The following ZNF185 variants were observed in gnomAD, a reference collection of about 807,000 sequenced individuals.
ZNF185 encodes the protein zinc finger protein 185 with LIM domain.
Under a neutral mutation model 58.6 loss-of-function variants are expected in ZNF185, and 56 were observed. The observed-to-expected ratio is 0.95, with a 90% CI of 0.77 to 1.19. The LOEUF is 1.19. Ranked by LOEUF, ZNF185 falls within the 50% of genes most tolerant of loss-of-function variation. The probability of loss-of-function intolerance (pLI) is 0.00; values close to 1 mark genes in which losing one functional copy is unlikely to be tolerated. For missense variants in ZNF185, 627 were observed against 573.5 expected (o/e 1.09, Z -0.95); for synonymous variants, 230 against 215.9 (o/e 1.07, Z -0.57).
intron 14 of ZNF185, 31 bp downstream of exon 15, chrX:152,933,002 A>C: frequency 9.0e-5 from 97 of 1,082,711 alleles, no homozygotes; most frequent in Middle Eastern, 2.5e-4. Flanking sequence ...AGGTTCTCTC[A>C]TGCCCCTGGT....
At chrX:152,937,849 C>T (rs2046515757) in intron 14 of ZNF185, among the ~76,000 whole-genome samples, 1 of 112,325 alleles carries the variant, frequency 8.9e-6, no homozygotes, top group Non-Finnish European at 1.9e-5. Context: ...TGGTCAGGGG[C>T]AGTGTTTGCT....
chrX:152,904,878 G>A, the ZNF185 span, among the ~76,000 whole-genome samples: 1 of 112,132 alleles, frequency 8.9e-6, no homozygotes, highest in African/African-American at 3.2e-5. Flanking sequence ...TTCCTCACAC[G>A]ACCAGGTGCA....
intron 20 of ZNF185, among the ~76,000 whole-genome samples, chrX:152,968,777 G>A (rs782767966): frequency 1.8e-5 from 2 of 113,020 alleles, no homozygotes; most frequent in South Asian, 7.2e-4. Context: ...TTACTTTGAG[G>A]AAGTGCAGTC....
chrX:152,909,727 C>T (rs1447377874), upstream of ZNF185, among the ~76,000 whole-genome samples: 2 of 112,239 alleles, frequency 1.8e-5, no homozygotes, highest in East Asian at 5.6e-4. Context: ...GAGGCCCAGG[C>T]TGCAGCACTG....
At chrX:152,909,792 C>G (rs1022204455), upstream of ZNF185, among the ~76,000 whole-genome samples, 7 of 112,680 alleles carry the variant, frequency 6.2e-5, no homozygotes. Flanking sequence ...AGGGCCTGCC[C>G]TTGCTGCTGT....
intron 15 of ZNF185, among the ~76,000 whole-genome samples, chrX:152,942,036 C>G (rs1175402189): frequency 8.9e-6 from 1 of 112,058 alleles, no homozygotes; most frequent in Admixed American, 9.3e-5. Flanking sequence ...GACGTGCAGA[C>G]AGGGAAGGCA....
At position 152,965,968 on chromosome X, in the gene ZNF185, G is replaced by A. The variant is rs190254080; in HGVS notation, c.1799+441G>A. Among the ~76,000 whole-genome samples, 515 of 110,043 alleles carry A rather than the reference G, an allele frequency of 4.7e-3. 6 individuals carry two copies. Among genetic ancestry groups the A allele is most frequent in the African/African-American group, 0.016 (494 of 30,142 alleles). ...TGTGACTGCAGTTCCTGATACATGT[G>A]TGGCTTTGCTTTTTAATTTTAATTA... On this transcript the variant is annotated intron_variant, in intron 19 of 22. Coordinates refer to ENST00000449285, the Ensembl canonical transcript of ZNF185.
chrX:152,909,700 G>A (rs1233374620), upstream of ZNF185, among the ~76,000 whole-genome samples: 2 of 112,354 alleles, frequency 1.8e-5, no homozygotes, highest in African/African-American at 6.5e-5. Context: ...GGGAAAAGAC[G>A]AAGGAGGCCC....
chrX:152,909,189 C>A, the ZNF185 span, among the ~76,000 whole-genome samples: 1 of 112,648 alleles, frequency 8.9e-6, no homozygotes, highest in African/African-American at 3.2e-5. Flanking sequence ...GGCCCTGGGG[C>A]AGCAGCCATG....
rs191728838 is a variant in ZNF185 at position 152,926,822 on chromosome X, C to A, written c.831-1753C>A. Among the ~76,000 whole-genome samples, 4 of 112,658 alleles carry A rather than the reference C, an allele frequency of 3.6e-5. No homozygotes were observed. The Admixed American group carries it at 3.7e-4, about 11-fold the overall frequency. Reference sequence around the variant, plus strand: ...AAAACCACACGCATTTATCCTCTCACAATTCTGGAGGCTGGAAGTCTGAGA... The same window carrying A: ...AAAACCACACGCATTTATCCTCTCAAAATTCTGGAGGCTGGAAGTCTGAGA... On this transcript the variant is annotated intron_variant, in intron 11 of 22. Transcript: ENST00000449285.
chrX:152,920,810 G>A, intron 9 of ZNF185, 62 bp downstream of exon 10: 2 of 1,151,815 alleles, frequency 1.7e-6, no homozygotes, highest in South Asian at 3.6e-5. Flanking sequence ...CCTTCCGTCA[G>A]CAGGGGTGTA....
chrX:152,945,314 A>G, exon 16 of ZNF185: 1 of 1,208,874 alleles, frequency 8.3e-7, no homozygotes, highest in Non-Finnish European at 1.1e-6. Flanking sequence ...AGGGTCGGAG[A>G]GGCCTGGCAG....
the ZNF185 span, among the ~76,000 whole-genome samples, chrX:152,903,995 A>G: frequency 6.2e-5 from 7 of 112,596 alleles, no homozygotes; most frequent in African/African-American, 2.3e-4. Context: ...ACTTTCATGC[A>G]GAAGTCATTT....
intron 12 of ZNF185, among the ~76,000 whole-genome samples, chrX:152,929,695 C>T (rs1032589131): frequency 3.6e-5 from 4 of 112,600 alleles, no homozygotes; most frequent in Admixed American, 9.4e-5. Flanking sequence ...CAGTTGTCTG[C>T]GACCGTTTCC....
In ZNF185 at chrX:152,931,538, G is replaced by A. The variant is rs143598825; in HGVS notation, c.918-134G>A. The A allele has an allele frequency of 5.8e-4, 283 of 489,617 alleles. 1 individual carries two copies. In the African/African-American group the frequency reaches 6.3e-3, roughly 11 times the overall value. The allele number at this position is 489,617 out of a possible 1,213,427, so 40.3% of individuals were successfully genotyped here. On this transcript the variant is annotated intron_variant, in intron 12 of 22. Coordinates refer to ENST00000449285, the Ensembl canonical transcript of ZNF185. ...CCTCTCAAAATGCTGGGTTATAGGC[G>A]TGAGCCACTGCACCCGGCCCAGTAG...
intron 11 of ZNF185, 51 bp downstream of exon 12, chrX:152,922,860 G>A (rs1451511362): frequency 9.0e-7 from 1 of 1,105,295 alleles, no homozygotes; most frequent in African/African-American, 1.8e-5. Flanking sequence ...ATGGCTTCCC[G>A]CCAGCCTGGC....
At chrX:152,940,584 G>A (rs989366866) in intron 15 of ZNF185, among the ~76,000 whole-genome samples, 1 of 111,285 alleles carries the variant, frequency 9.0e-6, no homozygotes, top group Non-Finnish European at 1.9e-5. Context: ...TCTTATATAG[G>A]TGAAGTCTCA....
At chrX:152,941,617 G>T in intron 15 of ZNF185, 1 of 1,128,799 alleles carries the variant, frequency 8.9e-7, no homozygotes, top group Middle Eastern at 2.4e-4. Flanking sequence ...GCACGCGCCC[G>T]TAGTGAGTAC....
intron 3 of ZNF185, among the ~76,000 whole-genome samples, chrX:152,915,522 C>A: frequency 8.9e-6 from 1 of 112,333 alleles, no homozygotes; most frequent in Non-Finnish European, 1.9e-5. Context: ...AAGAAGAAGA[C>A]GACCTCCCAC....
Sources: allele counts gnomAD v4.1 joint callset (sites outside exome capture counted in the v4.1 genomes callset), GRCh38; gene constraint gnomAD v4.1.1; transcripts MANE v1.5; gene names NCBI Gene and HGNC (gene_info 2026-07-23, HGNC 2026-07-21).